Variants in CEP350 observed in about 807,000 individuals in gnomAD.
CEP350 encodes the protein centrosomal protein 350.
In CEP350, 126 loss-of-function variants were observed where a neutral mutation model predicts 331.8. The ratio of observed to expected loss-of-function variants is 0.38; its 90% CI spans 0.33 to 0.44. The LOEUF (loss-of-function observed/expected upper bound fraction) is 0.44. Among genes scored for constraint, CEP350 ranks in the 20% least tolerant of loss-of-function variants. CEP350 has a pLI of 1.00. For missense variants in CEP350, 3,406 were observed against 3,634.6 expected, an observed-to-expected ratio of 0.94 and a Z score of 1.62; for synonymous variants, 1,200 against 1,259.5, an observed-to-expected ratio of 0.95 and a Z score of 1.00.
rs1353732336 is a variant in CEP350, at chr1:180,014,320, G to A, written c.1867G>A (p.Glu623Lys). Residue 623 changes from glutamate (E) to lysine (K), a missense_variant, in exon 10 of 38, where the codon GAA becomes AAA. Transcript: ENST00000367607. ...EEKKAQKEATEQKNKRLQELY... is the reference protein window; with the variant it reads ...EEKKAQKEATKQKNKRLQELY... ...GAAGAAGGCTCAAAAGGAGGCTACA[G>A]AACAGAAAAACAAACGATTACAAGA... 1 of 1,591,144 alleles carries A rather than the reference G, an allele frequency of 6.3e-7. No individual in the cohort carries two copies. Among genetic ancestry groups the A allele is most frequent in the Non-Finnish European group, 8.6e-7 (1 of 1,168,426 alleles).
At chr1:180,076,610 A>G (rs1386935687) in intron 28 of CEP350, among the ~76,000 whole-genome samples, 1 of 152,018 alleles carries the variant, frequency 6.6e-6, no homozygotes, top group Non-Finnish European at 1.5e-5. Flanking sequence ...GCAACATGGT[A>G]AAACCCCGTT....
intron 7 of CEP350, among the ~76,000 whole-genome samples, chr1:180,005,077 C>CTT (rs142788324): frequency 2.1e-5 from 3 of 141,916 alleles, no homozygotes; most frequent in Non-Finnish European, 3.1e-5. Context: ...ATTTTTCTTT[C>CTT]TTTTTTTTTA....
chr1:180,090,057 A>G (rs1161657607), intron 32 of CEP350, among the ~76,000 whole-genome samples: 1 of 152,202 alleles, frequency 6.6e-6, no homozygotes, highest in African/African-American at 2.4e-5. Flanking sequence ...GGGTGGTTTG[A>G]GCAAATAGCT....
At chr1:180,005,749 C>G (rs565393066) in intron 7 of CEP350, among the ~76,000 whole-genome samples, 3 of 152,112 alleles carry the variant, frequency 2.0e-5, no homozygotes, top group Admixed American at 6.5e-5. Context: ...TCCTACTAAT[C>G]TTCTCTTTTT....
chr1:180,087,301 G>C (rs1022116764), intron 31 of CEP350: 1 of 214,288 alleles, frequency 4.7e-6, no homozygotes, highest in African/African-American at 2.3e-5. Flanking sequence ...ATGAATTATT[G>C]CTTCATAGTA....
intron 22 of CEP350, chr1:180,052,097 A>C (rs918474579): frequency 1.8e-5 from 7 of 390,628 alleles, no homozygotes; most frequent in South Asian, 3.8e-5. Context: ...ACACACGTAT[A>C]CATGGATTAA....
chr1:180,076,320 C>T (rs1291211316), intron 28 of CEP350, among the ~76,000 whole-genome samples: 3 of 152,206 alleles, frequency 2.0e-5, no homozygotes, highest in Non-Finnish European at 4.4e-5. Context: ...AAAGGCCAAT[C>T]TTACCTATCC....
At chr1:180,052,317 G>T (rs1657560848) in intron 22 of CEP350, 1 of 433,306 alleles carries the variant, frequency 2.3e-6, no homozygotes, top group South Asian at 1.7e-5. Flanking sequence ...GGAATTACAG[G>T]TGTGAGCCCC....
At chr1:179,971,665 C>A (rs969887829) in intron 1 of CEP350, among the ~76,000 whole-genome samples, 3 of 152,128 alleles carry the variant, frequency 2.0e-5, no homozygotes, top group Admixed American at 2.0e-4. Context: ...TGTATCTCAA[C>A]AATAAAAAGC....
chr1:179,968,320 A>G (rs1473847073), intron 1 of CEP350, among the ~76,000 whole-genome samples: 3 of 150,480 alleles, frequency 2.0e-5, no homozygotes, highest in South Asian at 4.3e-4. Flanking sequence ...GACAAGAGCA[A>G]GACTCTGTCT....
Position 180,020,745 on chromosome 1 carries a change from G to A in CEP350, c.2971G>A (p.Gly991Arg), listed in dbSNP as rs1338954513. The A allele has an allele frequency of 6.2e-7, 1 of 1,614,014 alleles. No individual in the cohort carries two copies. Among genetic ancestry groups the A allele is most frequent in the Admixed American group, 1.7e-5 (1 of 60,026 alleles). ...SVSEGPLLSE[G>R]SLSEEEGDQD... ...CAGTGAAGGGCCTCTTCTTAGTGAG[G>A]GGAGTCTCTCTGAAGAAGAGGGAGA... Residue 991 changes from glycine (G) to arginine (R), a missense_variant, in exon 12 of 38, where the codon GGG (glycine) becomes AGG (arginine). Gly to Arg is a moderately radical substitution (Grantham distance 125). Transcript: ENST00000367607.
chr1:180,013,772 T>A, intron 9 of CEP350, 75 bp from the exon 10 acceptor site: 2 of 1,268,960 alleles, frequency 1.6e-6, no homozygotes, highest in South Asian at 1.6e-5. Context: ...ATTCTCTAAT[T>A]TTCTTGTTAA....
chr1:180,095,767 C>T lies in CEP350; in HGVS notation c.8756C>T (p.Thr2919Ile). 2 of 1,613,980 alleles carry T rather than the reference C, an allele frequency of 1.2e-6. No individual in the cohort carries two copies. The highest frequency in any genetic ancestry group is 8.5e-7 in the Non-Finnish European group (1 of 1,179,882). ...PCETLLAVPHTAEEVEILVHN... is the reference protein window; with the variant it reads ...PCETLLAVPHIAEEVEILVHN... ...GAAACATTATTGGCAGTCCCCCATA[C>T]TGCAGAAGAAGTAGAGATTCTTGTA... is the stretch of plus-strand genomic sequence containing the variant. Residue 2919 changes from threonine to isoleucine, a missense_variant, in exon 35 of 38, where the codon ACT (threonine) becomes ATT (isoleucine). Coordinates refer to ENST00000367607, the MANE Select transcript of CEP350 (RefSeq NM_014810.5).
chr1:179,985,600 TG>T (rs1339924092), intron 1 of CEP350, among the ~76,000 whole-genome samples: 1 of 152,174 alleles, frequency 6.6e-6, no homozygotes, highest in Non-Finnish European at 1.5e-5. Flanking sequence ...TCTGCATGGC[TG>T]GGGAGGCCTC....
chr1:180,079,751 T>C (rs2149081231), intron 29 of CEP350, among the ~76,000 whole-genome samples: 1 of 152,266 alleles, frequency 6.6e-6, no homozygotes, highest in South Asian at 2.1e-4. Flanking sequence ...AATTAGATTC[T>C]ACCTAGCATC....
At chr1:180,062,146 A>AT (rs573213749) in intron 25 of CEP350, 74 bp from the exon 26 acceptor site, 1,690 of 1,232,886 alleles carry the variant, frequency 1.4e-3, no homozygotes, top group South Asian at 2.5e-3. Context: ...ATATGTGCTG[A>AT]TTTTTTTTTT....
At chr1:180,001,989 T>C (rs1653893812) in intron 6 of CEP350, among the ~76,000 whole-genome samples, 1 of 152,252 alleles carries the variant, frequency 6.6e-6, no homozygotes, top group Non-Finnish European at 1.5e-5. Flanking sequence ...TAATTATACA[T>C]TCCTCTTTTA....
At chr1:180,083,693 T>C (rs1659696560) in intron 30 of CEP350, among the ~76,000 whole-genome samples, 1 of 152,208 alleles carries the variant, frequency 6.6e-6, no homozygotes, top group South Asian at 2.1e-4. Context: ...ATTTCATCAA[T>C]CTAAAAATTT....
At chr1:180,017,396 A>T (rs1394480771) in intron 11 of CEP350, among the ~76,000 whole-genome samples, 1 of 152,186 alleles carries the variant, frequency 6.6e-6, no homozygotes, top group Non-Finnish European at 1.5e-5. Context: ...TCGTCTCTGG[A>T]GAGGATTGAA....
Sources: gnomAD v4.1 joint callset for allele counts (sites outside exome capture counted in the v4.1 genomes callset) on GRCh38, gnomAD v4.1.1 for gene constraint, MANE v1.5 for transcripts, NCBI Gene and HGNC (gene_info 2026-07-23, HGNC 2026-07-21) for gene names.